KLF13: variants seen among roughly 807,000 people sequenced by gnomAD.
The protein encoded by KLF13 is Krueppel-like factor 13.
In KLF13, 8 loss-of-function variants were observed where a neutral mutation model predicts 16.7. The ratio of observed to expected loss-of-function variants is 0.48; its 90% CI spans 0.28 to 0.87. KLF13 has a LOEUF of 0.87. Ranked by LOEUF, KLF13 falls within the 40% of genes least tolerant of loss-of-function variation. KLF13 has a pLI of 0.10. For missense variants in KLF13, 447 were observed against 452.2 expected, an observed-to-expected ratio of 0.99 and a Z score of 0.10; for synonymous variants, 245 against 208.4, an observed-to-expected ratio of 1.18 and a Z score of -1.51.
chr15:31,344,614 G>T (rs1566808380), intron 1 of KLF13, among the ~76,000 whole-genome samples: 1 of 152,236 alleles, frequency 6.6e-6, no homozygotes, highest in South Asian at 2.1e-4. Flanking sequence ...GACTGTGGGG[G>T]TTTGGGCCAG....
chr15:31,381,003 C>T (rs548987835), downstream of KLF13, among the ~76,000 whole-genome samples: 2 of 152,100 alleles, frequency 1.3e-5, no homozygotes, highest in Middle Eastern at 3.2e-3. Context: ...GAAACCCCAT[C>T]CCCACTAAAA....
rs556606944 is a variant in KLF13 at position 31,402,960 on chromosome 15, C to T, written n.530-468C>T. ...TCGTAAGCAGCCTCGCTATCCCTTG[C>T]AGCCACAGAACTGACGCACAGGGCC... is the stretch of plus-strand genomic sequence containing the variant. On this transcript the variant is annotated intron_variant and non_coding_transcript_variant, in intron 2 of 2. Transcript: ENST00000500533. Among the ~76,000 whole-genome samples the T allele has an allele frequency of 2.0e-5, 3 of 152,318 alleles. No homozygotes were observed. In the South Asian group the frequency reaches 6.2e-4, roughly 32 times the overall value.
chr15:31,386,288 A>T (rs2039795492), intron 1 of KLF13, among the ~76,000 whole-genome samples: 1 of 152,238 alleles, frequency 6.6e-6, no homozygotes, highest in Admixed American at 6.5e-5. Context: ...ACCTGAGGTC[A>T]GGAGTTTGAG....
In KLF13 at chr15:31,377,329, G is replaced by T. The variant is rs117851686; in HGVS notation, c.*5030G>T. 4 of 152,740 alleles carry T rather than the reference G, an allele frequency of 2.6e-5. No homozygotes were observed. In the South Asian group the frequency reaches 8.3e-4, roughly 32 times the overall value. 9.5% of individuals were successfully genotyped at this position (152,740 alleles called of 1,614,324 possible). On this transcript the variant is annotated 3_prime_UTR_variant, in exon 2 of 2. Transcript: ENST00000307145. ...ATCCTAGAGAGGCCCCTGGTGCCTA[G>T]TGCTGAGGCCTCTGGGGCTGGAAAG...
chr15:31,427,886 A>C (rs1354661793), intron 1 of KLF13, among the ~76,000 whole-genome samples: 1 of 152,178 alleles, frequency 6.6e-6, no homozygotes, highest in Non-Finnish European at 1.5e-5. Flanking sequence ...ACTCACTATC[A>C]TGAGACCAAC....
In KLF13 at chr15:31,421,331, G is replaced by A. The variant is rs545849307; in HGVS notation, n.118-14039G>A. Among the ~76,000 whole-genome samples, 7 of 152,168 alleles carry A rather than the reference G, an allele frequency of 4.6e-5. No individual in the cohort carries two copies. In the East Asian group the frequency reaches 1.2e-3, roughly 25 times the overall value. On this transcript the variant is annotated intron_variant and non_coding_transcript_variant, in intron 1 of 1. Transcript: ENST00000558225. ...AACACAACGGCGTAAAAAATATAAA[G>A]CACTCAGTAAAGGGAGGTATATGGA... is the stretch of plus-strand genomic sequence containing the variant.
intron 1 of KLF13, among the ~76,000 whole-genome samples, chr15:31,337,546 T>C (rs2038951575): frequency 6.6e-6 from 1 of 152,228 alleles, no homozygotes; most frequent in Non-Finnish European, 1.5e-5. Flanking sequence ...CGTCCTTATG[T>C]GAACATCATA....
chr15:31,432,054 A>G (rs1454528095), intron 1 of KLF13, among the ~76,000 whole-genome samples: 1 of 152,216 alleles, frequency 6.6e-6, no homozygotes, highest in Non-Finnish European at 1.5e-5. Context: ...GCTAAGTTGA[A>G]CATTTGCATT....
chr15:31,421,462 TAATG>T (rs2040322278), intron 1 of KLF13, among the ~76,000 whole-genome samples: 2 of 152,330 alleles, frequency 1.3e-5, no homozygotes, highest in African/African-American at 2.4e-5. Flanking sequence ...CAAACTTTGT[TAATG>T]AACATAAAAT....
chr15:31,431,737 T>G (rs1451135577), intron 1 of KLF13, among the ~76,000 whole-genome samples: 6 of 152,228 alleles, frequency 3.9e-5, no homozygotes, highest in South Asian at 2.1e-4. Context: ...GTGCTGGGAT[T>G]ACAGGCGTGA....
At chr15:31,355,083 T>A (rs1195834472) in intron 1 of KLF13, among the ~76,000 whole-genome samples, 3 of 152,198 alleles carry the variant, frequency 2.0e-5, no homozygotes, top group African/African-American at 7.2e-5. Flanking sequence ...AGCCTCGAGT[T>A]ATAACTAGTC....
At chr15:31,363,970 A>G (rs1049697719) in intron 1 of KLF13, among the ~76,000 whole-genome samples, 2 of 152,210 alleles carry the variant, frequency 1.3e-5, no homozygotes, top group Non-Finnish European at 2.9e-5. Flanking sequence ...AAGTGTCCTC[A>G]TAACATGTAT....
chr15:31,432,380 T>C, intron 1 of KLF13, among the ~76,000 whole-genome samples: 1 of 145,856 alleles, frequency 6.9e-6, no homozygotes, highest in African/African-American at 2.6e-5. Context: ...TCTGTCTCCT[T>C]CCCTCCCTCC....
intron 1 of KLF13, among the ~76,000 whole-genome samples, chr15:31,347,956 G>C (rs1410093148): frequency 6.6e-6 from 1 of 152,264 alleles, no homozygotes; most frequent in East Asian, 1.9e-4. Flanking sequence ...TTCTCAGTGC[G>C]TTCCAGATCT....
rs776503495 is a variant in KLF13, at chr15:31,372,248, C to T, written c.816C>T (p.Tyr272=). 6 of 1,566,760 alleles carry T rather than the reference C, an allele frequency of 3.8e-6. No homozygotes were observed. The highest frequency in any genetic ancestry group is 1.1e-5 in the South Asian group (1 of 87,168). The part of the protein sequence containing the change: ...GGSRTGSLSD[Y]SRSDASSPTI... ...CGCGGACCGGCTCCCTCAGCGACTACAGCCGCTCCGACGCCAGCAGCCCCA... is the reference window on the plus strand; with the variant it reads ...CGCGGACCGGCTCCCTCAGCGACTATAGCCGCTCCGACGCCAGCAGCCCCA... The change falls in exon 2 of 2, where the codon TAC becomes TAT. Residue 272 remains tyrosine, a synonymous_variant. Transcript: ENST00000307145.
intron 1 of KLF13, among the ~76,000 whole-genome samples, chr15:31,334,134 A>G (rs1215648452): frequency 6.6e-6 from 1 of 152,218 alleles, no homozygotes; most frequent in African/African-American, 2.4e-5. Flanking sequence ...TCAAAGGACC[A>G]CCTGGAGGAG....
intron 1 of KLF13, 80 bp downstream of exon 1, chr15:31,327,869 A>C: frequency 5.0e-6 from 6 of 1,195,538 alleles, no homozygotes; most frequent in East Asian, 3.9e-5. Flanking sequence ...GGAGTCCCCG[A>C]TGGGGCGCGA....
intron 1 of KLF13, among the ~76,000 whole-genome samples, chr15:31,422,135 A>ACAAAAAAC (rs1555383213): frequency 1.6e-5 from 2 of 123,224 alleles, no homozygotes; most frequent in African/African-American, 3.1e-5. Context: ...AAACAAACAA[A>ACAAAAAAC]AAAAAAAAAA....
At position 31,333,171 on chromosome 15, in the gene KLF13, A is replaced by G. The variant is rs114413237; in HGVS notation, c.577+5382A>G. ...TTACATCAAGCTATCTAATCTTCAC[A>G]AGGACCCTATGAAGTAGGCTCTATT... On this transcript the variant is annotated intron_variant, in intron 1 of 1. Coordinates refer to ENST00000307145, the MANE Select transcript of KLF13 (RefSeq NM_015995.4). Among the ~76,000 whole-genome samples, 1,061 of 152,308 alleles carry G rather than the reference A, an allele frequency of 7.0e-3. 12 individuals carry two copies. Among genetic ancestry groups the G allele is most frequent in the African/African-American group, 0.025 (1,020 of 41,558 alleles).
Sources: allele counts gnomAD v4.1 joint callset (sites outside exome capture counted in the v4.1 genomes callset), GRCh38; gene constraint gnomAD v4.1.1; transcripts MANE v1.5; gene names NCBI Gene and HGNC (gene_info 2026-07-23, HGNC 2026-07-21).